Variants in JADE2 observed in about 807,000 individuals in gnomAD.
The protein encoded by JADE2 is E3 ubiquitin-protein ligase Jade-2.
Under a neutral mutation model 85.7 loss-of-function variants are expected in JADE2, and 13 were observed. That is an observed-to-expected ratio of 0.15 (90% CI 0.10 to 0.24). The LOEUF is 0.24. Among genes scored for constraint, JADE2 ranks in the 10% least tolerant of loss-of-function variants. The probability of loss-of-function intolerance (pLI) is 1.00; values close to 1 mark genes in which losing one functional copy is unlikely to be tolerated. For synonymous variants in JADE2, 440 were observed against 456.1 expected (o/e 0.96, Z 0.45); for missense variants, 846 against 1,115.9 (o/e 0.76, Z 3.45).
intron 9 of JADE2, among the ~76,000 whole-genome samples, chr5:134,569,464 G>A (rs1295551838): frequency 6.6e-6 from 1 of 152,248 alleles, no homozygotes; most frequent in Non-Finnish European, 1.5e-5. Context: ...ACGCTCGGAA[G>A]GCATGGCCAC....
At chr5:134,568,847 A>G (rs951144731) in intron 9 of JADE2, among the ~76,000 whole-genome samples, 1 of 152,226 alleles carries the variant, frequency 6.6e-6, no homozygotes, top group African/African-American at 2.4e-5. Context: ...GCAAAGGCCC[A>G]TGGTGGTTGG....
intron 4 of JADE2, among the ~76,000 whole-genome samples, 186 bp downstream of exon 4, chr5:134,552,395 G>C (rs1286377121): frequency 6.6e-6 from 1 of 152,236 alleles, no homozygotes; most frequent in Non-Finnish European, 1.5e-5. Flanking sequence ...TGAGAGGCTA[G>C]GGGGTTGGGC....
chr5:134,576,692 C>T (rs756990277), intron 10 of JADE2, 76 bp from the exon 11 acceptor site: 6 of 1,526,700 alleles, frequency 3.9e-6, no homozygotes, highest in Non-Finnish European at 5.3e-6. Context: ...CCTGGGCTGC[C>T]ACGCAGGGAT....
At position 134,582,962 on chromosome 5, in the gene JADE2, G is replaced by T. The variant is rs1032350706; in HGVS notation, c.*3645G>T. The T allele has an allele frequency of 6.6e-6, 1 of 152,542 alleles. No homozygotes were observed. The highest frequency in any genetic ancestry group is 1.5e-5 in the Non-Finnish European group (1 of 68,010). 9.4% of individuals were successfully genotyped at this position (152,542 alleles called of 1,614,324 possible). ...GAGAAAAAATGTATTTTTCATTAACGCAAAGACCTATTTCTCCTTTTTGTA... is the reference window on the plus strand; with the variant it reads ...GAGAAAAAATGTATTTTTCATTAACTCAAAGACCTATTTCTCCTTTTTGTA... On this transcript the variant is annotated 3_prime_UTR_variant, in exon 12 of 12. Transcript: ENST00000681547.
chr5:134,559,918 G>T lies in JADE2; in HGVS notation c.400G>T (p.Gly134Cys), dbSNP rs1269883821. The T allele has an allele frequency of 6.2e-7, 1 of 1,613,906 alleles. No individual in the cohort carries two copies. The highest frequency in any genetic ancestry group is 2.2e-5 in the East Asian group (1 of 44,882). The change falls in exon 5 of 12, where the codon GGC becomes TGC. Residue 134 changes from glycine (G) to cysteine (C), a missense_variant. Coordinates refer to ENST00000681547, the MANE Select transcript of JADE2 (RefSeq NM_001388185.1). ...GGGCTCCCAGCCTGATTGGCCAGGG[G>T]GCAGCCGCTATGACTTGGACGAGAT... ...GEGSQPDWPG[G>C]SRYDLDEIDA... is the part of the protein sequence containing the mutation.
chr5:134,538,750 G>A (rs1561729576), intron 3 of JADE2, among the ~76,000 whole-genome samples: 1 of 152,116 alleles, frequency 6.6e-6, no homozygotes, highest in Non-Finnish European at 1.5e-5. Context: ...TAGGTCTTCA[G>A]TGCTAATGCC....
chr5:134,557,268 ATTTTTT>A (rs59125974), intron 4 of JADE2, among the ~76,000 whole-genome samples: 1 of 137,902 alleles, frequency 7.3e-6, no homozygotes, highest in Non-Finnish European at 1.6e-5. Flanking sequence ...TTATTTTTTT[ATTTTTT>A]TTTTTATTTT....
At chr5:134,534,012 C>A (rs148343161) in intron 1 of JADE2, among the ~76,000 whole-genome samples, 12 of 152,280 alleles carry the variant, frequency 7.9e-5, no homozygotes, top group Non-Finnish European at 1.3e-4. Context: ...TCCCAAAGTG[C>A]TGGGATTACA....
At chr5:134,548,923 C>T (rs890047635) in intron 3 of JADE2, among the ~76,000 whole-genome samples, 2 of 152,200 alleles carry the variant, frequency 1.3e-5, no homozygotes, top group Admixed American at 6.5e-5. Context: ...CATGAGGTAT[C>T]TCATCCTGCT....
intron 3 of JADE2, among the ~76,000 whole-genome samples, chr5:134,539,584 C>T (rs1442456016): frequency 6.6e-6 from 1 of 152,260 alleles, no homozygotes; most frequent in Non-Finnish European, 1.5e-5. Context: ...ATCATTAAAA[C>T]TAGCCCAGAA....
intron 3 of JADE2, among the ~76,000 whole-genome samples, chr5:134,540,457 C>G (rs1036501107): frequency 6.6e-6 from 1 of 150,860 alleles, no homozygotes; most frequent in Admixed American, 6.6e-5. Context: ...TTGTCTCAAA[C>G]TCCTGAGCTC....
At chr5:134,526,709 C>T (rs1212072246) in intron 1 of JADE2, 1 of 985,342 alleles carries the variant, frequency 1.0e-6, no homozygotes, top group Non-Finnish European at 1.2e-6. Flanking sequence ...GTTGGAGGCT[C>T]TGCACAAATT....
chr5:134,536,699 G>A (rs1025812266), intron 2 of JADE2: 1 of 152,334 alleles, frequency 6.6e-6, no homozygotes, highest in Admixed American at 6.5e-5. Context: ...CATCTGCTGT[G>A]GGTAGGAGAG....
At chr5:134,558,458 C>T (rs375174477) in intron 4 of JADE2, among the ~76,000 whole-genome samples, 28 of 151,102 alleles carry the variant, frequency 1.9e-4, no homozygotes, top group African/African-American at 5.8e-4. Flanking sequence ...TCCTTGCCCA[C>T]GCCTATGTCC....
chr5:134,576,541 C>T (rs150002527), intron 10 of JADE2, among the ~76,000 whole-genome samples: 1 of 152,328 alleles, frequency 6.6e-6, no homozygotes, highest in Non-Finnish European at 1.5e-5. Flanking sequence ...CCAGGTCCTG[C>T]GAGGGCCTCT....
At chr5:134,576,123 T>C (rs969765105) in intron 10 of JADE2, among the ~76,000 whole-genome samples, 7 of 152,114 alleles carry the variant, frequency 4.6e-5, no homozygotes, top group Non-Finnish European at 8.8e-5. Context: ...CGCTTGAGCC[T>C]GGGAGGTCAA....
At chr5:134,576,934 CT>C (rs1764405200) in intron 11 of JADE2, 38 bp downstream of exon 11, 24 of 1,502,884 alleles carry the variant, frequency 1.6e-5, no homozygotes, top group Non-Finnish European at 2.1e-5. Flanking sequence ...ACACGGCAGG[CT>C]TGACCATCAC....
chr5:134,560,372 G>T (rs973028107), intron 5 of JADE2, among the ~76,000 whole-genome samples: 2 of 152,158 alleles, frequency 1.3e-5, no homozygotes, highest in Non-Finnish European at 2.9e-5. Context: ...TGTGTCCCAG[G>T]AAGGGTTAAC....
At chr5:134,540,975 A>G (rs1297694145) in intron 3 of JADE2, among the ~76,000 whole-genome samples, 1 of 152,246 alleles carries the variant, frequency 6.6e-6, no homozygotes, top group Non-Finnish European at 1.5e-5. Flanking sequence ...TTTCCAGCCC[A>G]GAGCCTTTGT....
Sources: allele counts gnomAD v4.1 joint callset (sites outside exome capture counted in the v4.1 genomes callset), GRCh38; gene constraint gnomAD v4.1.1; transcripts MANE v1.5; gene names NCBI Gene and HGNC (gene_info 2026-07-23, HGNC 2026-07-21).